Variants in UBN2 observed in about 807,000 individuals in gnomAD.
UBN2 encodes ubinuclein-2.
A neutral mutation model predicts 120.2 loss-of-function variants in UBN2; 35 were observed. That is an observed-to-expected ratio of 0.29 (90% CI 0.22 to 0.39). The LOEUF (loss-of-function observed/expected upper bound fraction) is 0.39. Among genes scored for constraint, UBN2 ranks in the 10% least tolerant of loss-of-function variants. UBN2 has a pLI of 1.00. For synonymous variants in UBN2, 661 were observed against 648.7 expected, an observed-to-expected ratio of 1.02 and a Z score of -0.29; for missense variants, 1,693 against 1,663.2, an observed-to-expected ratio of 1.02 and a Z score of -0.31.
intron 1 of UBN2, among the ~76,000 whole-genome samples, chr7:139,233,892 AC>A (rs969812905): frequency 6.6e-6 from 1 of 152,100 alleles, no homozygotes; most frequent in African/African-American, 2.4e-5. Context: ...TTTTCTGTAT[AC>A]TTATTAACAG....
the UBN2 span, among the ~76,000 whole-genome samples, chr7:139,319,233 C>T: frequency 6.6e-6 from 1 of 152,134 alleles, no homozygotes; most frequent in African/African-American, 2.4e-5. Context: ...CAGGTGGGCA[C>T]CACCATGCCT....
At chr7:139,323,700 T>C in the UBN2 span, among the ~76,000 whole-genome samples, 4,265 of 151,732 alleles carry the variant, frequency 0.028, 85 homozygotes, top group Middle Eastern at 0.055. Flanking sequence ...AGCAATTCCC[T>C]TGCCTCAGCC....
At chr7:139,284,938 G>A (rs1792048102) in intron 15 of UBN2, among the ~76,000 whole-genome samples, 2 of 152,150 alleles carry the variant, frequency 1.3e-5, no homozygotes, top group Admixed American at 1.3e-4. Flanking sequence ...CCAGAACAAA[G>A]TAGTAACTTA....
At position 139,307,068 on chromosome 7, in the gene UBN2, AG is replaced by A. The variant is rs1367316420; in HGVS notation, c.*9233del. On this transcript the variant is annotated 3_prime_UTR_variant, in exon 18 of 18. Coordinates refer to ENST00000473989, the MANE Select transcript of UBN2 (RefSeq NM_173569.4). ...AAGGAAAAACAGGATGTATTTATAC[AG>A]TGAATGTTCACTCTGCAGAGGAACT... 1 of 152,228 alleles carries A rather than the reference AG, an allele frequency of 6.6e-6. No homozygotes were observed. The highest frequency in any genetic ancestry group is 2.4e-5 in the African/African-American group (1 of 41,452). The allele number at this position is 152,228 out of a possible 1,614,324, so 9.4% of individuals were successfully genotyped here. A position where few individuals can be genotyped will look rare whatever the true frequency, so the allele number is the denominator to read the frequency against.
At chr7:139,240,833 A>G (rs533750291) in intron 2 of UBN2, among the ~76,000 whole-genome samples, 2 of 152,332 alleles carry the variant, frequency 1.3e-5, no homozygotes, top group South Asian at 4.1e-4. Flanking sequence ...GGAAAAGGTC[A>G]ATATGACTAT....
At chr7:139,256,482 A>G (rs983789347) in intron 3 of UBN2, among the ~76,000 whole-genome samples, 3 of 152,224 alleles carry the variant, frequency 2.0e-5, no homozygotes, top group African/African-American at 7.2e-5. Flanking sequence ...TTGCTTTGGT[A>G]AGGTGCTTAC....
intron 2 of UBN2, among the ~76,000 whole-genome samples, chr7:139,250,505 A>T (rs1796594726): frequency 6.6e-6 from 1 of 151,518 alleles, no homozygotes; most frequent in Admixed American, 6.6e-5. Flanking sequence ...AAGTGCTGGG[A>T]TTACTGGCAT....
chr7:139,255,173 A>G (rs963057650), intron 3 of UBN2, among the ~76,000 whole-genome samples: 5 of 152,208 alleles, frequency 3.3e-5, no homozygotes, highest in African/African-American at 1.2e-4. Context: ...TACCTTTTCC[A>G]GAATGTCTTA....
At chr7:139,278,957 T>C (rs1160196115) in intron 12 of UBN2, among the ~76,000 whole-genome samples, 1 of 152,134 alleles carries the variant, frequency 6.6e-6, no homozygotes, top group Admixed American at 6.5e-5. Flanking sequence ...GCTCAGGGTT[T>C]TTTTTGTTTT....
the UBN2 span, among the ~76,000 whole-genome samples, chr7:139,330,236 A>G: frequency 9.2e-5 from 14 of 152,370 alleles, no homozygotes; most frequent in Non-Finnish European, 1.6e-4. Context: ...GTATCTATAG[A>G]GGCCAAAAAC....
chr7:139,252,029 CAG>C lies in UBN2; in HGVS notation c.637_638del (p.Asp213SerfsTer4). The stretch of plus-strand genomic sequence containing the variant: ...GATATAGGCTTTGGCTATGATGAGA[CAG>C]ATCCATTTATTGATAACTCAGAGGC... On this transcript the variant is annotated frameshift_variant, in exon 3 of 18. Coordinates refer to ENST00000473989, the MANE Select transcript of UBN2 (RefSeq NM_173569.4). LOFTEE classifies it high-confidence loss of function. The C allele has an allele frequency of 6.2e-7, 1 of 1,614,096 alleles. No individual in the cohort carries two copies. The highest frequency in any genetic ancestry group is 1.1e-5 in the South Asian group (1 of 91,090).
Position 139,231,969 on chromosome 7 carries a change from C to T in UBN2, c.468+17C>T, listed in dbSNP as rs1055972709. On this transcript the variant is annotated intron_variant, in intron 1 of 17. Coordinates refer to ENST00000473989, the MANE Select transcript of UBN2 (RefSeq NM_173569.4). ...GAACAACGGGTACAGAAGATTCTTC[C>T]CTCCTGCCCCAGACCCCGGGAGCCT... 6.4e-6 allele frequency: 10 copies of T among 1,570,772 alleles called. No individual in the cohort carries two copies. The highest frequency in any genetic ancestry group is 7.7e-6 in the Non-Finnish European group (9 of 1,165,382).
chr7:139,236,972 C>T (rs772640801), intron 1 of UBN2, 33 bp from the exon 2 acceptor site: 63 of 1,403,086 alleles, frequency 4.5e-5, no homozygotes, highest in Non-Finnish European at 5.5e-5. Flanking sequence ...CTAATGGATA[C>T]TTCTCTTTCT....
chr7:139,231,592 C>A lies in UBN2; in HGVS notation c.108C>A (p.Pro36=), dbSNP rs1025163636. 9 of 1,389,972 alleles carry A rather than the reference C, an allele frequency of 6.5e-6. 1 individual carries two copies. In the Admixed American group the frequency reaches 1.1e-4, roughly 16 times the overall value. 86.1% of individuals were successfully genotyped at this position (1,389,972 alleles called of 1,614,324 possible). A position where few individuals can be genotyped will look rare whatever the true frequency, so the allele number is the denominator to read the frequency against. The change falls in exon 1 of 18, where the codon CCC becomes CCA. Residue 36 remains proline (P), a synonymous_variant. Transcript: ENST00000473989. ...EREPEYPREP[P]RLEPQPYREP... ...AGCCCGAGTACCCCCGCGAGCCCCC[C>A]CGGCTGGAGCCGCAGCCGTACCGCG...
rs1478179507 is a variant in UBN2 at position 139,304,877 on chromosome 7, T to A, written c.*7041T>A. Reference sequence around the variant, plus strand: ...CTTTTCCATTCTCAGATAACAAATGTTAAGACCCAAAGAAATAAGGCATAA... The same window carrying A: ...CTTTTCCATTCTCAGATAACAAATGATAAGACCCAAAGAAATAAGGCATAA... On this transcript the variant is annotated 3_prime_UTR_variant, in exon 18 of 18. Transcript: ENST00000473989. The A allele has an allele frequency of 6.6e-6, 1 of 152,168 alleles. No individual in the cohort carries two copies. Among genetic ancestry groups the A allele is most frequent in the Non-Finnish European group, 1.5e-5 (1 of 68,036 alleles). The allele number at this position is 152,168 out of a possible 1,614,324, so 9.4% of individuals were successfully genotyped here.
At chr7:139,316,725 A>G in the UBN2 span, among the ~76,000 whole-genome samples, 3 of 152,090 alleles carry the variant, frequency 2.0e-5, no homozygotes, top group African/African-American at 4.8e-5. Context: ...AGCCTGGACG[A>G]CAAGAGTGAA....
intron 7 of UBN2, among the ~76,000 whole-genome samples, chr7:139,267,442 G>T (rs1441770990): frequency 6.6e-6 from 1 of 151,908 alleles, no homozygotes; most frequent in Non-Finnish European, 1.5e-5. Flanking sequence ...AGGCTGAGTT[G>T]GGAGGATTCA....
At chr7:139,240,048 A>G (rs1274189386) in intron 2 of UBN2, among the ~76,000 whole-genome samples, 2 of 152,184 alleles carry the variant, frequency 1.3e-5, no homozygotes, top group African/African-American at 4.8e-5. Context: ...GTTCTGAAGA[A>G]GTTGTTTGAT....
chr7:139,248,290 T>C (rs1253087392), intron 2 of UBN2, among the ~76,000 whole-genome samples: 2 of 152,170 alleles, frequency 1.3e-5, no homozygotes, highest in Admixed American at 1.3e-4. Context: ...TTGGAAATCA[T>C]GGAAGAGGCA....
Sources: allele counts gnomAD v4.1 joint callset (sites outside exome capture counted in the v4.1 genomes callset), GRCh38; gene constraint gnomAD v4.1.1; transcripts MANE v1.5; gene names NCBI Gene and HGNC (gene_info 2026-07-23, HGNC 2026-07-21).